GRB2: variants seen among roughly 807,000 people sequenced by gnomAD.
GRB2 encodes the protein growth factor receptor bound protein 2, also known as growth factor receptor-bound protein 2.
GRB2 carries 2 observed loss-of-function variants against 27.4 expected under a neutral mutation model. That is an observed-to-expected ratio of 0.07 (90% CI 0.03 to 0.23). The LOEUF (loss-of-function observed/expected upper bound fraction) is 0.23. GRB2 is among the 10% of genes least tolerant of loss of function. The probability of loss-of-function intolerance (pLI) is 1.00; values close to 1 mark genes in which losing one functional copy is unlikely to be tolerated. For synonymous variants in GRB2, 94 were observed against 99.6 expected (o/e 0.94, Z 0.33); for missense variants, 102 against 282.4 (o/e 0.36, Z 4.58).
At chr17:75,339,047 A>G (rs1281318243) in intron 2 of GRB2, 4 of 1,275,068 alleles carry the variant, frequency 3.1e-6, no homozygotes, top group Non-Finnish European at 4.6e-6. Flanking sequence ...GAGTGCGTTG[A>G]GCCCAACTGC....
chr17:75,384,354 T>A (rs1415353983), intron 2 of GRB2, among the ~76,000 whole-genome samples: 1 of 152,192 alleles, frequency 6.6e-6, no homozygotes, highest in Non-Finnish European at 1.5e-5. Context: ...GCTTACTATC[T>A]GAATGTAACT....
chr17:75,344,841 C>A (rs1333002469), intron 2 of GRB2, among the ~76,000 whole-genome samples: 1 of 151,660 alleles, frequency 6.6e-6, no homozygotes, highest in Non-Finnish European at 1.5e-5. Flanking sequence ...CCCAACCCCC[C>A]ACACCCCCTC....
At chr17:75,327,579 C>G (rs2078507709) in intron 3 of GRB2, among the ~76,000 whole-genome samples, 1 of 148,470 alleles carries the variant, frequency 6.7e-6, no homozygotes, top group Non-Finnish European at 1.5e-5. Flanking sequence ...CCATATTGGC[C>G]AGGCTGGTCT....
intron 2 of GRB2, chr17:75,373,179 G>A (rs2078867273): frequency 6.6e-6 from 1 of 152,156 alleles, no homozygotes; most frequent in Admixed American, 6.5e-5. Context: ...CCCAGGAGGT[G>A]GAGGCTGCAG....
intron 2 of GRB2, among the ~76,000 whole-genome samples, chr17:75,386,624 T>C (rs932688971): frequency 6.6e-6 from 1 of 152,178 alleles, no homozygotes; most frequent in Non-Finnish European, 1.5e-5. Context: ...AAACTTACTC[T>C]AGACAGGAAG....
At chr17:75,356,018 G>T (rs1194830668) in intron 2 of GRB2, among the ~76,000 whole-genome samples, 7 of 151,636 alleles carry the variant, frequency 4.6e-5, no homozygotes, top group African/African-American at 1.7e-4. Flanking sequence ...TACTTTAGTA[G>T]AATCAGGGTG....
chr17:75,386,124 CT>C (rs904513461), intron 2 of GRB2, among the ~76,000 whole-genome samples: 33 of 145,520 alleles, frequency 2.3e-4, no homozygotes, highest in Non-Finnish European at 2.3e-4. Flanking sequence ...AGAATAAATT[CT>C]TTTTTTTTTT....
intron 2 of GRB2, among the ~76,000 whole-genome samples, chr17:75,378,003 C>T (rs943608419): frequency 3.3e-5 from 5 of 152,154 alleles, no homozygotes; most frequent in Non-Finnish European, 7.3e-5. Context: ...GTGTGTCTTC[C>T]CAGGTCGATT....
intron 1 of GRB2, among the ~76,000 whole-genome samples, chr17:75,399,794 C>T (rs949556901): frequency 3.9e-5 from 6 of 152,050 alleles, no homozygotes; most frequent in African/African-American, 7.2e-5. Context: ...CTCAGCCTCC[C>T]GAGTGGCTGG....
intron 1 of GRB2, 93 bp from the exon 2 acceptor site, chr17:75,393,858 C>T (rs879676019): frequency 1.5e-5 from 8 of 543,188 alleles, no homozygotes; most frequent in Non-Finnish European, 2.6e-5. Context: ...CCCACGCCCC[C>T]TGGCTCGGCC....
intron 2 of GRB2, among the ~76,000 whole-genome samples, chr17:75,348,883 C>A (rs1431554242): frequency 1.3e-5 from 2 of 152,150 alleles, no homozygotes; most frequent in Admixed American, 6.5e-5. Flanking sequence ...CCCATGTTGT[C>A]CAGGCTGGTT....
At chr17:75,333,798 C>G (rs998779516) in intron 2 of GRB2, among the ~76,000 whole-genome samples, 2 of 152,196 alleles carry the variant, frequency 1.3e-5, no homozygotes, top group African/African-American at 2.4e-5. Flanking sequence ...TATCAACCAG[C>G]AGAATTCAGG....
chr17:75,348,378 G>A (rs1258788936), intron 2 of GRB2, among the ~76,000 whole-genome samples: 1 of 152,128 alleles, frequency 6.6e-6, no homozygotes, highest in East Asian at 1.9e-4. Flanking sequence ...TGAGAAAGGG[G>A]GTGAAGGTAT....
At chr17:75,402,896 A>T (rs1261331457) in intron 1 of GRB2, among the ~76,000 whole-genome samples, 1 of 151,562 alleles carries the variant, frequency 6.6e-6, no homozygotes, top group African/African-American at 2.4e-5. Context: ...ACCAACATGG[A>T]GAAACCCTGT....
At chr17:75,353,547 G>A (rs1190684573) in intron 2 of GRB2, among the ~76,000 whole-genome samples, 3 of 152,076 alleles carry the variant, frequency 2.0e-5, no homozygotes, top group Non-Finnish European at 2.9e-5. Flanking sequence ...CAGATCATGA[G>A]GTCAGGGGTT....
chr17:75,334,976 CTGAG>C (rs1567859140), intron 2 of GRB2, among the ~76,000 whole-genome samples: 1 of 151,800 alleles, frequency 6.6e-6, no homozygotes, highest in East Asian at 1.9e-4. Context: ...TTTCAGCCTC[CTGAG>C]TACCTGGGAC....
chr17:75,346,575 TGCC>T, intron 2 of GRB2, among the ~76,000 whole-genome samples: 1 of 129,846 alleles, frequency 7.7e-6, no homozygotes. Flanking sequence ...TTGCTTTTCT[TGCC>T]TTTTTTTTTT....
intron 4 of GRB2, among the ~76,000 whole-genome samples, chr17:75,325,694 G>A (rs546497589): frequency 6.6e-6 from 1 of 152,364 alleles, no homozygotes; most frequent in Admixed American, 6.5e-5. Context: ...CCTCCTGAAG[G>A]CTGTGTCCAC....
chr17:75,345,156 C>T (rs1338656396), intron 2 of GRB2, among the ~76,000 whole-genome samples: 1 of 152,098 alleles, frequency 6.6e-6, no homozygotes, highest in East Asian at 1.9e-4. Context: ...CATTCTCCTG[C>T]CTCAGCCTCC....
Sources: allele counts gnomAD v4.1 joint callset (sites outside exome capture counted in the v4.1 genomes callset), GRCh38; gene constraint gnomAD v4.1.1; transcripts MANE v1.5; gene names NCBI Gene and HGNC (gene_info 2026-07-23, HGNC 2026-07-21).